ADGRL4: variants seen among roughly 807,000 people sequenced by gnomAD.
The protein encoded by ADGRL4 is adhesion G protein-coupled receptor L4, also known as EGF, latrophilin and seven transmembrane domain containing 1.
ADGRL4 carries 90 observed loss-of-function variants against 74.8 expected under a neutral mutation model. That is an observed-to-expected ratio of 1.20 (90% CI 1.02 to 1.43). The LOEUF is 1.43. Ranked by LOEUF, ADGRL4 falls within the 40% of genes most tolerant of loss-of-function variation. The probability of loss-of-function intolerance (pLI) is 0.00; values close to 1 mark genes in which losing one functional copy is unlikely to be tolerated. For missense variants in ADGRL4, 881 were observed against 814.3 expected, an observed-to-expected ratio of 1.08 and a Z score of -1.00; for synonymous variants, 311 against 279.2, an observed-to-expected ratio of 1.11 and a Z score of -1.14.
At chr1:78,925,496 C>T (rs1220508813) in intron 8 of ADGRL4, among the ~76,000 whole-genome samples, 1 of 151,828 alleles carries the variant, frequency 6.6e-6, no homozygotes, top group Non-Finnish European at 1.5e-5. Flanking sequence ...AGTCAAATCG[C>T]AGATAAATTA....
At chr1:78,928,135 G>A (rs551208647) in intron 7 of ADGRL4, among the ~76,000 whole-genome samples, 1 of 151,530 alleles carries the variant, frequency 6.6e-6, no homozygotes, top group Non-Finnish European at 1.5e-5. Context: ...CTCAGGAGTT[G>A]TAGTAGAAGA....
intron 2 of ADGRL4, among the ~76,000 whole-genome samples, chr1:78,971,481 G>T (rs945729322): frequency 2.6e-5 from 4 of 152,018 alleles, no homozygotes; most frequent in African/African-American, 9.7e-5. Flanking sequence ...GAAAAGCCTG[G>T]CCTCTCTCCC....
At chr1:78,942,477 G>C (rs926242418) in intron 3 of ADGRL4, among the ~76,000 whole-genome samples, 1 of 152,120 alleles carries the variant, frequency 6.6e-6, no homozygotes, top group Non-Finnish European at 1.5e-5. Context: ...CTTAATGAAA[G>C]CTAAATCTCT....
intron 12 of ADGRL4, among the ~76,000 whole-genome samples, chr1:78,898,627 C>G (rs1252490431): frequency 6.6e-6 from 1 of 151,696 alleles, no homozygotes. Flanking sequence ...TTCAATGCTG[C>G]ACTTCAGAAT....
At chr1:78,996,393 G>A (rs1276319637) in intron 2 of ADGRL4, among the ~76,000 whole-genome samples, 1 of 152,106 alleles carries the variant, frequency 6.6e-6, no homozygotes, top group Non-Finnish European at 1.5e-5. Context: ...AAACTTAAAT[G>A]TATAAATAAA....
intron 12 of ADGRL4, among the ~76,000 whole-genome samples, chr1:78,900,123 G>A (rs757790469): frequency 2.0e-5 from 3 of 152,108 alleles, no homozygotes; most frequent in Non-Finnish European, 4.4e-5. Flanking sequence ...TGGCTTTGAA[G>A]ATGAATGAGA....
chr1:78,899,386 G>T (rs1460026138), intron 12 of ADGRL4, among the ~76,000 whole-genome samples: 1 of 152,106 alleles, frequency 6.6e-6, no homozygotes, highest in Non-Finnish European at 1.5e-5. Flanking sequence ...ACAGGTTCTT[G>T]CTCTGTTGCC....
Position 78,937,828 on chromosome 1 carries a change from C to G in ADGRL4, c.739G>C (p.Asp247His), listed in dbSNP as rs373569799. Reference protein sequence around the residue: ...SQSFQKTTEFDTNSTDIALKV... With the variant: ...SQSFQKTTEFHTNSTDIALKV... ...TTACCTATATCCGTTGAATTTGTAT[C>G]AAACTCTGTGGTCTTTTGGAAGCTC... Residue 247 changes from aspartate to histidine, a missense_variant, in exon 6 of 15, where the codon GAT becomes CAT. Transcript: ENST00000370742. 1.2e-4 allele frequency: 193 copies of G among 1,609,950 alleles called. No homozygotes were observed. Among genetic ancestry groups the G allele is most frequent in the Non-Finnish European group, 1.6e-4 (187 of 1,178,902 alleles).
chr1:78,960,487 A>T (rs1319726886), intron 2 of ADGRL4, among the ~76,000 whole-genome samples: 1 of 152,216 alleles, frequency 6.6e-6, no homozygotes, highest in Non-Finnish European at 1.5e-5. Context: ...TAACATAATT[A>T]TCCTGTGTCT....
rs753432443 is a variant in ADGRL4, at chr1:78,946,344, C to T, written c.255G>A (p.Met85Ile). The T allele has an allele frequency of 1.2e-6, 2 of 1,613,442 alleles. No homozygotes were observed. Among genetic ancestry groups the T allele is most frequent in the Non-Finnish European group, 1.7e-6 (2 of 1,179,624 alleles). ...TGCTGGATCTGAAGCCAGGTACACA[C>T]ATACAATAATAACTTCCTTCTGTGT... is the stretch of plus-strand genomic sequence containing the variant. Reference protein sequence around the residue: ...CTNTEGSYYCMCVPGFRSSSN... With the variant: ...CTNTEGSYYCICVPGFRSSSN... The change falls in exon 3 of 15, where the codon ATG (methionine) becomes ATA (isoleucine). Residue 85 changes from methionine to isoleucine, a missense_variant. Coordinates refer to ENST00000370742, the MANE Select transcript of ADGRL4 (RefSeq NM_022159.4).
chr1:78,920,565 C>T (rs1648976690), intron 9 of ADGRL4, among the ~76,000 whole-genome samples, 179 bp from the exon 10 acceptor site: 1 of 151,744 alleles, frequency 6.6e-6, no homozygotes, highest in Non-Finnish European at 1.5e-5. Flanking sequence ...TCCTCAATAT[C>T]CACATAAATC....
At chr1:78,982,744 G>C (rs1650421768) in intron 2 of ADGRL4, among the ~76,000 whole-genome samples, 1 of 151,728 alleles carries the variant, frequency 6.6e-6, no homozygotes, top group South Asian at 2.1e-4. Flanking sequence ...AAATCCTTGA[G>C]GACAAACATA....
chr1:78,946,392 A>G lies in ADGRL4; in HGVS notation c.207T>C (p.Cys69=). ...DNECGNLTQS[C]GENANCTNTE... ...TGTTAGTGCAATTAGCATTTTCGCC[A>G]CAGGACTGAGTTAAATTTCCACATT... The change falls in exon 3 of 15, where the codon TGT becomes TGC. Residue 69 remains cysteine (C), a synonymous_variant. Transcript: ENST00000370742. The G allele has an allele frequency of 1.2e-6, 2 of 1,612,732 alleles. No homozygotes were observed. The highest frequency in any genetic ancestry group is 1.1e-5 in the South Asian group (1 of 90,876).
chr1:78,946,136 T>C (rs1649595595), intron 3 of ADGRL4, 138 bp downstream of exon 3: 1 of 506,042 alleles, frequency 2.0e-6, no homozygotes, highest in Non-Finnish European at 3.3e-6. Context: ...AATAAGGACA[T>C]TAATTACATT....
At chr1:78,896,274 T>C (rs1648397628) in intron 12 of ADGRL4, among the ~76,000 whole-genome samples, 2 of 152,196 alleles carry the variant, frequency 1.3e-5, no homozygotes, top group Non-Finnish European at 2.9e-5. Flanking sequence ...TCATTATAAC[T>C]GATTAAATTC....
At chr1:78,917,730 A>C (rs768004488) in intron 11 of ADGRL4, 30 bp from the exon 12 acceptor site, 2 of 1,592,836 alleles carry the variant, frequency 1.3e-6, no homozygotes, top group African/African-American at 2.7e-5. Context: ...TAGAATCTAT[A>C]AATATGTTTG....
intron 2 of ADGRL4, among the ~76,000 whole-genome samples, chr1:78,960,631 T>C (rs1388772782): frequency 6.6e-6 from 1 of 152,194 alleles, no homozygotes; most frequent in Non-Finnish European, 1.5e-5. Flanking sequence ...AACCTTGCAA[T>C]GGACTGCTGC....
At chr1:78,986,537 G>A (rs1444555409) in intron 2 of ADGRL4, among the ~76,000 whole-genome samples, 1 of 151,788 alleles carries the variant, frequency 6.6e-6, no homozygotes. Flanking sequence ...CCTGAACTCA[G>A]GAGTTCAAGG....
rs753750454 is a variant in ADGRL4 at position 78,918,069 on chromosome 1, A to G, written c.1462-19T>C. The G allele has an allele frequency of 4.3e-5, 68 of 1,565,394 alleles. No homozygotes were observed. The South Asian group carries it at 5.8e-4, about 13-fold the overall frequency. ...AGAAGAGCTAGAAATCAAAGAAAAA[A>G]AAAAAAACATTGTCAGTGTTTGTTT... On this transcript the variant is annotated intron_variant, in intron 10 of 14. Coordinates refer to ENST00000370742, the MANE Select transcript of ADGRL4 (RefSeq NM_022159.4).
Sources: allele counts gnomAD v4.1 joint callset (sites outside exome capture counted in the v4.1 genomes callset), GRCh38; gene constraint gnomAD v4.1.1; transcripts MANE v1.5; gene names NCBI Gene and HGNC (gene_info 2026-07-23, HGNC 2026-07-21).